Variants in AKNAD1 observed in about 807,000 individuals in gnomAD.
AKNAD1 encodes the protein protein AKNAD1.
Under a neutral mutation model 90.8 loss-of-function variants are expected in AKNAD1, and 67 were observed. The ratio of observed to expected loss-of-function variants is 0.74; its 90% CI spans 0.61 to 0.90. The LOEUF is 0.90. Ranked by LOEUF, AKNAD1 falls within the 40% of genes least tolerant of loss-of-function variation. The probability of loss-of-function intolerance (pLI) is 0.00; values close to 1 mark genes in which losing one functional copy is unlikely to be tolerated. For missense variants in AKNAD1, 957 were observed against 975.4 expected, an observed-to-expected ratio of 0.98 and a Z score of 0.25; for synonymous variants, 327 against 341.4, an observed-to-expected ratio of 0.96 and a Z score of 0.46.
In AKNAD1 at chr1:108,851,159, A is replaced by C. The variant is rs567066271; in HGVS notation, c.993+513T>G. On this transcript the variant is annotated intron_variant, in intron 2 of 15. Coordinates refer to ENST00000370001, the MANE Select transcript of AKNAD1 (RefSeq NM_152763.5). ...AGTGGAGGAAGCAGATGCTTCTGCT[A>C]TTAAGATCCAAAGCAGGCTGAGATA... Among the ~76,000 whole-genome samples the C allele has an allele frequency of 1.5e-3, 228 of 152,300 alleles. 1 individual carries two copies. Among genetic ancestry groups the C allele is most frequent in the South Asian group, 8.9e-3 (43 of 4,820 alleles).
Position 108,827,290 on chromosome 1 carries a change from CACG to C in AKNAD1, c.1848_1850del (p.Asn616_Val617delinsLys). 6.2e-7 allele frequency: 1 copy of C among 1,610,396 alleles called. No homozygotes were observed. The highest frequency in any genetic ancestry group is 1.3e-5 in the African/African-American group (1 of 74,944). The stretch of plus-strand genomic sequence containing the variant: ...TGATCCTTCCGTGGCCCTTTTTCTC[CACG>C]TTTTGCTTCCTAAAAAAAGGTGCAT... On this transcript the variant is annotated inframe_deletion, in exon 11 of 16. Transcript: ENST00000370001.
At position 108,852,054 on chromosome 1, in the gene AKNAD1, C is replaced by G. The variant is rs1664881384; in HGVS notation, c.611G>C (p.Gly204Ala). 1 of 1,614,078 alleles carries G rather than the reference C, an allele frequency of 6.2e-7. No individual in the cohort carries two copies. The highest frequency in any genetic ancestry group is 1.1e-5 in the South Asian group (1 of 91,076). Residue 204 changes from glycine (G) to alanine (A), a missense_variant, in exon 2 of 16, where the codon GGA (glycine) becomes GCA (alanine). Physicochemically the swap from Gly to Ala is moderately conservative, Grantham distance 60. Coordinates refer to ENST00000370001, the MANE Select transcript of AKNAD1 (RefSeq NM_152763.5). ...CACATTTTCTTGATGGCTGCTATCT[C>G]CAGCAGCCACTGGCCCTTCTAAATC... ...TSDLEGPVAA[G>A]DSSHQENVNV...
intron 13 of AKNAD1, chr1:108,823,010 A>T (rs1663866639): frequency 1.7e-6 from 1 of 602,378 alleles, no homozygotes; most frequent in Non-Finnish European, 3.0e-6. Flanking sequence ...CTTAGTAGGG[A>T]TATATGTAAA....
At chr1:108,828,241 TG>T (rs1311708628) in intron 10 of AKNAD1, among the ~76,000 whole-genome samples, 1 of 151,668 alleles carries the variant, frequency 6.6e-6, no homozygotes, top group African/African-American at 2.4e-5. Flanking sequence ...CGGGTGTCTG[TG>T]GGACTAAAGG....
intron 7 of AKNAD1, 135 bp downstream of exon 7, chr1:108,837,415 T>C: frequency 1.1e-5 from 9 of 835,704 alleles, no homozygotes; most frequent in African/African-American, 1.7e-5. Flanking sequence ...AATAATATAA[T>C]TCATGGGACT....
chr1:108,818,535 C>T (rs933301960), intron 14 of AKNAD1, among the ~76,000 whole-genome samples: 4 of 152,094 alleles, frequency 2.6e-5, no homozygotes, highest in East Asian at 1.9e-4. Flanking sequence ...GAGCCTGGTA[C>T]CATTCTAAGT....
chr1:108,827,604 G>C (rs894913222), intron 10 of AKNAD1, among the ~76,000 whole-genome samples: 6 of 150,056 alleles, frequency 4.0e-5, no homozygotes, highest in Non-Finnish European at 7.4e-5. Context: ...CACGAGGTCA[G>C]GAGATCGAGA....
At chr1:108,848,136 T>A (rs986158939) in intron 5 of AKNAD1, among the ~76,000 whole-genome samples, 1 of 152,222 alleles carries the variant, frequency 6.6e-6, no homozygotes, top group Non-Finnish European at 1.5e-5. Flanking sequence ...CCCTTGTTGA[T>A]GAGCCAATGG....
At chr1:108,824,289 TGGGG>T (rs1663921531) in intron 11 of AKNAD1, among the ~76,000 whole-genome samples, 1 of 152,172 alleles carries the variant, frequency 6.6e-6, no homozygotes, top group Non-Finnish European at 1.5e-5. Context: ...TATGAAAGCC[TGGGG>T]CCAGGCGGGT....
In AKNAD1 at chr1:108,827,746, G is replaced by A. The variant is rs1040001619; in HGVS notation, c.1839-444C>T. The stretch of plus-strand genomic sequence containing the variant: ...GGAGAATGGCGGGAACCCGGGAGGC[G>A]GAGCTTGCAGTGAGCCGAGATCGCG... On this transcript the variant is annotated intron_variant, in intron 10 of 15. Transcript: ENST00000370001. Among the ~76,000 whole-genome samples, 6 of 148,520 alleles carry A rather than the reference G, an allele frequency of 4.0e-5. No individual in the cohort carries two copies. The East Asian group carries it at 1.2e-3, about 30-fold the overall frequency.
At chr1:108,832,211 CTTTT>C (rs35868464) in intron 9 of AKNAD1, among the ~76,000 whole-genome samples, 3 of 91,688 alleles carry the variant, frequency 3.3e-5, no homozygotes, top group African/African-American at 1.4e-4. Context: ...ATGCTGTGTT[CTTTT>C]TTTTTTTTTT....
intron 14 of AKNAD1, among the ~76,000 whole-genome samples, chr1:108,818,942 C>G (rs947117783): frequency 8.6e-6 from 1 of 116,054 alleles, no homozygotes; most frequent in Admixed American, 1.1e-4. Flanking sequence ...CCAGCCTGGG[C>G]GAAATAGTGA....
intron 11 of AKNAD1, 136 bp from the exon 12 acceptor site, chr1:108,823,824 C>T: frequency 1.5e-6 from 2 of 1,368,878 alleles, no homozygotes; most frequent in South Asian, 2.9e-5. Flanking sequence ...GCTGTGTCAC[C>T]AAGAGGAGTT....
At chr1:108,834,645 T>C in intron 8 of AKNAD1, 117 bp from the exon 9 acceptor site, 4 of 1,092,280 alleles carry the variant, frequency 3.7e-6, no homozygotes, top group Non-Finnish European at 5.2e-6. Flanking sequence ...GCGAGCAACC[T>C]AAGGCAGAGA....
chr1:108,855,127 A>C (rs929337898), intron 1 of AKNAD1, among the ~76,000 whole-genome samples: 2 of 152,202 alleles, frequency 1.3e-5, no homozygotes, highest in African/African-American at 2.4e-5. Flanking sequence ...GTAAAACATA[A>C]TCTCGTCCAA....
chr1:108,855,231 G>A (rs1009235444), intron 1 of AKNAD1, among the ~76,000 whole-genome samples: 1 of 151,472 alleles, frequency 6.6e-6, no homozygotes, highest in African/African-American at 2.4e-5. Flanking sequence ...GGCCAACATG[G>A]TGAAACCCCG....
At position 108,846,248 on chromosome 1, in the gene AKNAD1, G is replaced by A. The variant is rs115438830; in HGVS notation, c.1245+2504C>T. On this transcript the variant is annotated intron_variant, in intron 5 of 15. Transcript: ENST00000370001. The stretch of plus-strand genomic sequence containing the variant: ...TGGGCCTGGAAGTCCCAGACCACAG[G>A]CTGATAATGTCAGGAGCCACCTTTA... Among the ~76,000 whole-genome samples, 196 of 152,254 alleles carry A rather than the reference G, an allele frequency of 1.3e-3. 1 individual carries two copies. The highest frequency in any genetic ancestry group is 4.5e-3 in the African/African-American group (188 of 41,548).
chr1:108,822,982 C>T (rs1250790090), intron 13 of AKNAD1: 3 of 561,182 alleles, frequency 5.3e-6, no homozygotes, highest in Non-Finnish European at 9.5e-6. Flanking sequence ...AAATAGTCTA[C>T]TTCTCTACAT....
At position 108,820,605 on chromosome 1, in the gene AKNAD1, A is replaced by T; in HGVS notation, c.2189T>A (p.Ile730Asn). ...SSPSFLKPKRICSQRVNSKSF... is the reference protein window; with the variant it reads ...SSPSFLKPKRNCSQRVNSKSF... ...TTTTGAATTCACTCTCTGAGAACAG[A>T]TCCGTTTGGGTTTTAAAAAAGCTGA... Residue 730 changes from isoleucine to asparagine, a missense_variant, in exon 14 of 16, where the codon ATC becomes AAC. By Grantham distance (149) the Ile-to-Asn change is moderately radical (BLOSUM62 -3). Coordinates refer to ENST00000370001, the MANE Select transcript of AKNAD1 (RefSeq NM_152763.5). The T allele has an allele frequency of 6.2e-7, 1 of 1,611,042 alleles. No individual in the cohort carries two copies. The highest frequency in any genetic ancestry group is 8.5e-7 in the Non-Finnish European group (1 of 1,178,128).
Sources: gnomAD v4.1 joint callset for allele counts (sites outside exome capture counted in the v4.1 genomes callset) on GRCh38, gnomAD v4.1.1 for gene constraint, MANE v1.5 for transcripts, NCBI Gene and HGNC (gene_info 2026-07-23, HGNC 2026-07-21) for gene names.